Variants in CNTNAP2 observed in about 807,000 individuals in gnomAD.
CNTNAP2 encodes the protein contactin associated protein 2.
CNTNAP2 carries 98 observed loss-of-function variants against 155.2 expected under a neutral mutation model. The ratio of observed to expected loss-of-function variants is 0.63; its 90% CI spans 0.54 to 0.75. The LOEUF is 0.75. Ranked by LOEUF, CNTNAP2 falls within the 30% of genes least tolerant of loss-of-function variation. The pLI, the probability that CNTNAP2 is intolerant of heterozygous loss-of-function variation, is 0.00. For synonymous variants in CNTNAP2, 651 were observed against 631.2 expected, an observed-to-expected ratio of 1.03 and a Z score of -0.47; for missense variants, 1,727 against 1,688.1, an observed-to-expected ratio of 1.02 and a Z score of -0.40.
intron 3 of CNTNAP2, among the ~76,000 whole-genome samples, chr7:146,845,111 A>G (rs934477582): frequency 2.0e-5 from 3 of 152,226 alleles, no homozygotes; most frequent in African/African-American, 4.8e-5. Context: ...AATTTAAAAC[A>G]TTTCAAAAAT....
At chr7:146,730,881 A>G (rs1021242650) in intron 1 of CNTNAP2, among the ~76,000 whole-genome samples, 2 of 152,198 alleles carry the variant, frequency 1.3e-5, no homozygotes, top group African/African-American at 2.4e-5. Context: ...GATGAATAAT[A>G]ATCAATTCTT....
intron 23 of CNTNAP2, among the ~76,000 whole-genome samples, chr7:148,410,568 A>T (rs1799814113): frequency 2.0e-5 from 1 of 50,376 alleles, no homozygotes; most frequent in Non-Finnish European, 6.0e-5. Context: ...CCTTTCTCAA[A>T]AAAAAAAAAA....
At chr7:147,885,444 A>G (rs1799586947) in intron 13 of CNTNAP2, among the ~76,000 whole-genome samples, 1 of 152,174 alleles carries the variant, frequency 6.6e-6, no homozygotes, top group African/African-American at 2.4e-5. Context: ...TGGTCCAATC[A>G]TCAGAGCTTT....
chr7:148,230,076 T>C (rs1214957762), intron 20 of CNTNAP2, among the ~76,000 whole-genome samples: 3 of 152,232 alleles, frequency 2.0e-5, no homozygotes, highest in Non-Finnish European at 4.4e-5. Flanking sequence ...CTTTTATCCA[T>C]TGCACCATCT....
At chr7:147,746,806 G>C (rs190626318) in intron 13 of CNTNAP2, among the ~76,000 whole-genome samples, 1 of 152,074 alleles carries the variant, frequency 6.6e-6, no homozygotes, top group Non-Finnish European at 1.5e-5. Context: ...CACATGAAAT[G>C]TGCACAGTTT....
intron 1 of CNTNAP2, among the ~76,000 whole-genome samples, chr7:146,322,051 G>A (rs143142141): frequency 6.6e-6 from 1 of 152,222 alleles, no homozygotes; most frequent in East Asian, 1.9e-4. Flanking sequence ...ATAATGGCCA[G>A]GCCACATGGA....
chr7:147,102,392 A>G (rs942536364), intron 4 of CNTNAP2, among the ~76,000 whole-genome samples: 9 of 152,030 alleles, frequency 5.9e-5, no homozygotes, highest in Non-Finnish European at 1.2e-4. Flanking sequence ...TATGTTGAGC[A>G]GGTAGAGTGA....
intron 13 of CNTNAP2, among the ~76,000 whole-genome samples, chr7:147,850,616 C>T (rs1798918170): frequency 6.6e-6 from 1 of 152,116 alleles, no homozygotes; most frequent in Non-Finnish European, 1.5e-5. Context: ...GAAATAACAC[C>T]ACACATCTAC....
chr7:146,315,739 A>G (rs552117725), intron 1 of CNTNAP2, among the ~76,000 whole-genome samples: 1 of 152,308 alleles, frequency 6.6e-6, no homozygotes, highest in African/African-American at 2.4e-5. Flanking sequence ...TATGCTATCA[A>G]TTATGAGTAG....
chr7:147,662,439 G>T (rs1173879608), intron 13 of CNTNAP2, among the ~76,000 whole-genome samples: 1 of 152,204 alleles, frequency 6.6e-6, no homozygotes, highest in African/African-American at 2.4e-5. Context: ...TAGGGGTTAG[G>T]CAGGAAATTC....
At chr7:148,412,538 T>C (rs1799865998) in intron 23 of CNTNAP2, among the ~76,000 whole-genome samples, 1 of 152,276 alleles carries the variant, frequency 6.6e-6, no homozygotes, top group Non-Finnish European at 1.5e-5. Context: ...AATTGATCTT[T>C]TATATCAGCC....
At chr7:146,386,621 C>T (rs1041890148) in intron 1 of CNTNAP2, among the ~76,000 whole-genome samples, 3 of 152,074 alleles carry the variant, frequency 2.0e-5, no homozygotes, top group Non-Finnish European at 2.9e-5. Flanking sequence ...CCTGATCTCA[C>T]GTTATCCACC....
chr7:146,391,937 G>T (rs1795550411), intron 1 of CNTNAP2, among the ~76,000 whole-genome samples: 1 of 151,982 alleles, frequency 6.6e-6, no homozygotes, highest in Non-Finnish European at 1.5e-5. Context: ...AAAACCCCAT[G>T]AAACAAGTTT....
chr7:147,923,439 T>A (rs559898610), intron 14 of CNTNAP2, among the ~76,000 whole-genome samples: 1 of 152,122 alleles, frequency 6.6e-6, no homozygotes, highest in African/African-American at 2.4e-5. Context: ...ATGCCCAGGG[T>A]TGCCTGCAAC....
intron 11 of CNTNAP2, among the ~76,000 whole-genome samples, chr7:147,548,175 T>G (rs1799779984): frequency 6.6e-6 from 1 of 152,198 alleles, no homozygotes; most frequent in Non-Finnish European, 1.5e-5. Flanking sequence ...CTTGAGGAAT[T>G]GCCACACTGT....
chr7:147,684,390 C>T (rs897832384), intron 13 of CNTNAP2, among the ~76,000 whole-genome samples: 2 of 151,740 alleles, frequency 1.3e-5, no homozygotes, highest in African/African-American at 4.8e-5. Flanking sequence ...CTACAAGGAA[C>T]TTTACACTTT....
intron 1 of CNTNAP2, among the ~76,000 whole-genome samples, chr7:146,426,877 CAAT>C (rs10540345): frequency 0.39 from 58,703 of 151,360 alleles, 12,932 homozygotes; most frequent in African/African-American, 0.6. Flanking sequence ...ACAAAACAAA[CAAT>C]AATAAGTATG....
chr7:146,550,414 T>TTTG (rs1563130823), intron 1 of CNTNAP2, among the ~76,000 whole-genome samples: 1 of 124,770 alleles, frequency 8.0e-6, no homozygotes, highest in African/African-American at 2.8e-5. Flanking sequence ...TTTTTTTTTT[T>TTTG]TTTTTTTTTT....
intron 3 of CNTNAP2, among the ~76,000 whole-genome samples, chr7:146,969,608 G>C (rs1249717210): frequency 6.6e-6 from 1 of 151,434 alleles, no homozygotes; most frequent in Admixed American, 6.6e-5. Flanking sequence ...TTTAAAGTCT[G>C]TTTTATCAGA....
Sources: allele counts gnomAD v4.1 joint callset (sites outside exome capture counted in the v4.1 genomes callset), GRCh38; gene constraint gnomAD v4.1.1; transcripts MANE v1.5; gene names NCBI Gene and HGNC (gene_info 2026-07-23, HGNC 2026-07-21).